The following SVIL variants were observed in gnomAD, a reference collection of about 807,000 sequenced individuals.
SVIL encodes the protein archvillin.
A neutral mutation model predicts 240.4 loss-of-function variants in SVIL; 101 were observed. That is an observed-to-expected ratio of 0.42 (90% confidence interval 0.36 to 0.50). The LOEUF is 0.50. SVIL is among the 20% of genes least tolerant of loss of function. The pLI is 0.01. For synonymous variants in SVIL, 999 were observed against 1,100.0 expected (o/e 0.91, Z 1.82); for missense variants, 2,512 against 2,818.7 (o/e 0.89, Z 2.46).
At chr10:29,533,620 T>C (rs1262028707) in intron 7 of SVIL, among the ~76,000 whole-genome samples, 162 bp from the exon 8 acceptor site, 1 of 152,208 alleles carries the variant, frequency 6.6e-6, no homozygotes, top group African/African-American at 2.4e-5. Context: ...TGTCAGATGA[T>C]CCTGAGTTGA....
intron 1 of SVIL, among the ~76,000 whole-genome samples, chr10:29,616,531 TA>T (rs1250001770): frequency 2.6e-5 from 4 of 152,232 alleles, no homozygotes; most frequent in Admixed American, 2.0e-4. Flanking sequence ...ACTGCACTGA[TA>T]TTTTTTATGT....
intron 2 of SVIL, among the ~76,000 whole-genome samples, chr10:29,666,900 T>C (rs1250132829): frequency 6.6e-6 from 1 of 152,154 alleles, no homozygotes. Flanking sequence ...ATAGAGTCCA[T>C]TAAACTTCTT....
chr10:29,514,827 T>C (rs1280987161), intron 16 of SVIL, among the ~76,000 whole-genome samples: 2 of 152,234 alleles, frequency 1.3e-5, no homozygotes, highest in East Asian at 1.9e-4. Flanking sequence ...CCGATTCCCA[T>C]TAAATATTTG....
At chr10:29,571,550 C>T (rs1400947355) in intron 1 of SVIL, among the ~76,000 whole-genome samples, 1 of 152,116 alleles carries the variant, frequency 6.6e-6, no homozygotes, top group African/African-American at 2.4e-5. Context: ...AAAACCCATA[C>T]TTAAGATTTA....
intron 6 of SVIL, among the ~76,000 whole-genome samples, chr10:29,538,879 G>A (rs1243189371): frequency 6.6e-6 from 1 of 152,200 alleles, no homozygotes; most frequent in African/African-American, 2.4e-5. Flanking sequence ...GAAACAAAGA[G>A]GCCAGGTGTG....
intron 12 of SVIL, among the ~76,000 whole-genome samples, chr10:29,528,875 G>A (rs370183248): frequency 6.6e-6 from 1 of 151,982 alleles, no homozygotes; most frequent in Non-Finnish European, 1.5e-5. Flanking sequence ...CCTATTGTTT[G>A]GAAAGTTATC....
At chr10:29,521,043 G>A (rs1406536027) in intron 16 of SVIL, among the ~76,000 whole-genome samples, 1 of 151,886 alleles carries the variant, frequency 6.6e-6, no homozygotes, top group Non-Finnish European at 1.5e-5. Flanking sequence ...CTAACACGGT[G>A]AAGCCCCAAC....
intron 2 of SVIL, among the ~76,000 whole-genome samples, chr10:29,669,319 C>T (rs1032258566): frequency 1.3e-5 from 2 of 152,126 alleles, no homozygotes; most frequent in African/African-American, 4.8e-5. Flanking sequence ...GTGCACGAAA[C>T]TTGCAAAGTG....
intron 29 of SVIL, among the ~76,000 whole-genome samples, chr10:29,477,385 G>A (rs1356360836): frequency 6.6e-6 from 1 of 152,182 alleles, no homozygotes; most frequent in African/African-American, 2.4e-5. Context: ...TCAGATCCCT[G>A]GGCACCTTGA....
chr10:29,524,030 G>A lies in SVIL; in HGVS notation c.2587-3C>T. The A allele has an allele frequency of 6.3e-7, 1 of 1,585,272 alleles. No homozygotes were observed. Among genetic ancestry groups the A allele is most frequent in the Non-Finnish European group, 8.6e-7 (1 of 1,167,810 alleles). The stretch of plus-strand genomic sequence containing the variant: ...GGAATGAGCTTTCCACTCTGCACCT[G>A]GAAGGACACAGTTAAAAATTAAAAA... On this transcript the variant is annotated splice_region_variant and splice_polypyrimidine_tract_variant and intron_variant, in intron 14 of 37. Transcript: ENST00000355867.
intron 1 of SVIL, among the ~76,000 whole-genome samples, chr10:29,583,855 C>T (rs35292142): frequency 0.036 from 5,470 of 152,224 alleles, 147 homozygotes; most frequent in Middle Eastern, 0.054. Flanking sequence ...ACTCAAGACA[C>T]GTTTATGCGT....
intron 7 of SVIL, among the ~76,000 whole-genome samples, chr10:29,533,750 C>A (rs531931028): frequency 2.8e-4 from 42 of 152,234 alleles, no homozygotes; most frequent in African/African-American, 8.4e-4. Flanking sequence ...AATAAATACC[C>A]AGAAGCCACA....
Position 29,586,879 on chromosome 10 carries a change from T to C in SVIL, c.-200-17567A>G, listed in dbSNP as rs959545420. On this transcript the variant is annotated intron_variant, in intron 1 of 37. Coordinates refer to ENST00000355867, the MANE Select transcript of SVIL (RefSeq NM_021738.3). ...ACACATAGAAGGGAACAACACACAC[T>C]GGGGCCTTTCGCAGGGTGGAGGGTG... Among the ~76,000 whole-genome samples, 5 of 152,038 alleles carry C rather than the reference T, an allele frequency of 3.3e-5. 1 individual carries two copies. The highest frequency in any genetic ancestry group is 1.2e-4 in the African/African-American group (5 of 41,390).
At chr10:29,513,837 A>G (rs1950024103) in intron 16 of SVIL, among the ~76,000 whole-genome samples, 1 of 152,202 alleles carries the variant, frequency 6.6e-6, no homozygotes, top group Non-Finnish European at 1.5e-5. Context: ...CTCAATGATG[A>G]TGTGACTTGA....
intron 17 of SVIL, among the ~76,000 whole-genome samples, chr10:29,509,172 C>T (rs1949595511): frequency 6.6e-6 from 1 of 152,080 alleles, no homozygotes; most frequent in South Asian, 2.1e-4. Flanking sequence ...ACAGCTTTAC[C>T]GTCTTTAGAC....
chr10:29,693,348 A>G (rs1452222465), intron 1 of SVIL, among the ~76,000 whole-genome samples: 1 of 152,162 alleles, frequency 6.6e-6, no homozygotes, highest in Non-Finnish European at 1.5e-5. Context: ...CAAGGAGAGA[A>G]GAGGAAGGAA....
At chr10:29,571,370 C>T (rs971994182) in intron 1 of SVIL, among the ~76,000 whole-genome samples, 2 of 152,202 alleles carry the variant, frequency 1.3e-5, no homozygotes, top group South Asian at 2.1e-4. Context: ...TGCAACCTAA[C>T]CATCCTCGGA....
At position 29,554,927 on chromosome 10, in the gene SVIL, T is replaced by G; in HGVS notation, c.16A>C (p.Arg6=). ...ATCCCTTCCAGGCGCCTGGCAATTC[T>G]TTCTTTTCTGTGAAATACACCACAA... MKRKE[R]IARRLEGIEN... Residue 6 remains arginine, a synonymous_variant, in exon 5 of 38, where the codon AGA becomes CGA. Transcript: ENST00000355867. 6.2e-7 allele frequency: 1 copy of G among 1,611,274 alleles called. No homozygotes were observed. Among genetic ancestry groups the G allele is most frequent in the South Asian group, 1.1e-5 (1 of 90,636 alleles).
chr10:29,535,122 T>A (rs898379038), intron 7 of SVIL, among the ~76,000 whole-genome samples: 2 of 152,006 alleles, frequency 1.3e-5, no homozygotes, highest in East Asian at 1.9e-4. Flanking sequence ...TCCTATATAT[T>A]TTTTTTAACG....
Sources: allele counts gnomAD v4.1 joint callset (sites outside exome capture counted in the v4.1 genomes callset), GRCh38; gene constraint gnomAD v4.1.1; transcripts MANE v1.5; gene names NCBI Gene and HGNC (gene_info 2026-07-23, HGNC 2026-07-21).